Variants in NARS2 observed in about 807,000 individuals in gnomAD.
NARS2 encodes the protein asparaginyl-tRNA synthetase.
In NARS2, 60 loss-of-function variants were observed where a neutral mutation model predicts 62.9. The observed-to-expected ratio is 0.95, with a 90% CI of 0.77 to 1.18. The LOEUF (loss-of-function observed/expected upper bound fraction) is 1.18, where lower values mean the gene tolerates loss of function less well. Ranked by LOEUF, NARS2 falls within the 50% of genes most tolerant of loss-of-function variation. The pLI, the probability that NARS2 is intolerant of heterozygous loss-of-function variation, is 0.00. For missense variants in NARS2, 619 were observed against 576.4 expected (o/e 1.07, Z -0.76); for synonymous variants, 196 against 200.0 (o/e 0.98, Z 0.17).
At chr11:78,545,678 C>T (rs1414885671) in intron 5 of NARS2, among the ~76,000 whole-genome samples, 1 of 151,898 alleles carries the variant, frequency 6.6e-6, no homozygotes, top group African/African-American at 2.4e-5. Flanking sequence ...TTGTGCATGC[C>T]ACTGTGGCCA....
intron 6 of NARS2, among the ~76,000 whole-genome samples, chr11:78,504,309 T>G (rs1860399961): frequency 6.6e-6 from 1 of 152,190 alleles, no homozygotes; most frequent in Admixed American, 6.5e-5. Context: ...ATTCACATGC[T>G]AAATCCACCT....
At chr11:78,459,408 T>TTACA (rs748702965) in intron 11 of NARS2, among the ~76,000 whole-genome samples, 7 of 150,788 alleles carry the variant, frequency 4.6e-5, no homozygotes, top group Non-Finnish European at 8.8e-5. Flanking sequence ...GTAGCTGGGA[T>TTACA]TACAGGTGTG....
At chr11:78,561,028 T>C (rs1189593712) in intron 4 of NARS2, among the ~76,000 whole-genome samples, 2 of 152,126 alleles carry the variant, frequency 1.3e-5, no homozygotes, top group African/African-American at 2.4e-5. Context: ...CTAAACATGA[T>C]TGCCCAAGTT....
chr11:78,504,384 A>T (rs1860403123), intron 6 of NARS2, among the ~76,000 whole-genome samples: 1 of 150,338 alleles, frequency 6.7e-6, no homozygotes, highest in Non-Finnish European at 1.5e-5. Context: ...TCTATGTGAC[A>T]CATGTCTGTT....
chr11:78,508,678 C>T (rs547022338), intron 6 of NARS2, among the ~76,000 whole-genome samples: 1 of 151,232 alleles, frequency 6.6e-6, no homozygotes, highest in South Asian at 2.1e-4. Context: ...AATGTATAAA[C>T]ACCCAAGAAG....
At chr11:78,452,071 T>C (rs1199608762) in intron 11 of NARS2, among the ~76,000 whole-genome samples, 2 of 152,194 alleles carry the variant, frequency 1.3e-5, no homozygotes, top group African/African-American at 4.8e-5. Context: ...TACTTATTTA[T>C]GAGTTTCAAC....
At chr11:78,476,818 G>A (rs1196903697) in intron 9 of NARS2, among the ~76,000 whole-genome samples, 1 of 152,094 alleles carries the variant, frequency 6.6e-6, no homozygotes, top group Non-Finnish European at 1.5e-5. Context: ...TGTAAGAGTC[G>A]TAATGATAGT....
intron 6 of NARS2, among the ~76,000 whole-genome samples, chr11:78,527,978 C>T (rs1861350296): frequency 6.6e-6 from 1 of 152,144 alleles, no homozygotes; most frequent in East Asian, 1.9e-4. Flanking sequence ...AGTGTGCTGG[C>T]ACATGCCTTG....
At chr11:78,492,705 C>A (rs534591861) in intron 7 of NARS2, among the ~76,000 whole-genome samples, 3 of 152,144 alleles carry the variant, frequency 2.0e-5, no homozygotes, top group African/African-American at 7.2e-5. Flanking sequence ...AGTGAACCTG[C>A]TTGTGTTCCA....
intron 6 of NARS2, among the ~76,000 whole-genome samples, chr11:78,526,745 T>A (rs969673591): frequency 6.6e-6 from 1 of 152,160 alleles, no homozygotes; most frequent in African/African-American, 2.4e-5. Context: ...CTAGTGGTAT[T>A]ATAATAGAGA....
chr11:78,529,438 T>C (rs1235492839), intron 5 of NARS2, among the ~76,000 whole-genome samples: 1 of 152,202 alleles, frequency 6.6e-6, no homozygotes, highest in Non-Finnish European at 1.5e-5. Flanking sequence ...TTCATTTAAT[T>C]GTCACCATAA....
chr11:78,495,288 T>C (rs114695695), intron 6 of NARS2, among the ~76,000 whole-genome samples: 2,278 of 152,216 alleles, frequency 0.015, 60 homozygotes, highest in African/African-American at 0.052. Context: ...TCCTTTAGTT[T>C]TTGCATAGGC....
At chr11:78,444,440 G>A (rs1456645978) in intron 11 of NARS2, among the ~76,000 whole-genome samples, 1 of 152,114 alleles carries the variant, frequency 6.6e-6, no homozygotes, top group Non-Finnish European at 1.5e-5. Flanking sequence ...TGATGGCTGG[G>A]CACAGTAGCT....
At chr11:78,524,153 A>G (rs1030549977) in intron 6 of NARS2, among the ~76,000 whole-genome samples, 2 of 152,160 alleles carry the variant, frequency 1.3e-5, no homozygotes, top group Non-Finnish European at 2.9e-5. Context: ...AAGGCCCATT[A>G]GCCCCAGATG....
At chr11:78,489,561 T>C (rs1217683757) in intron 7 of NARS2, among the ~76,000 whole-genome samples, 3 of 152,172 alleles carry the variant, frequency 2.0e-5, no homozygotes, top group Admixed American at 6.5e-5. Context: ...AATTTTGTAA[T>C]TTATATAAGG....
At chr11:78,461,571 A>C (rs1858395717) in intron 11 of NARS2, among the ~76,000 whole-genome samples, 1 of 138,600 alleles carries the variant, frequency 7.2e-6, no homozygotes, top group Non-Finnish European at 1.6e-5. Flanking sequence ...AAGAAGTAGG[A>C]GTATAGAATG....
chr11:78,569,660 A>G (rs2135542906), intron 2 of NARS2, among the ~76,000 whole-genome samples: 1 of 152,304 alleles, frequency 6.6e-6, no homozygotes, highest in East Asian at 1.9e-4. Flanking sequence ...CCACTATTGC[A>G]TTATGGGTGG....
intron 6 of NARS2, among the ~76,000 whole-genome samples, chr11:78,493,662 T>C (rs1269706539): frequency 7.3e-6 from 1 of 136,568 alleles, no homozygotes; most frequent in Non-Finnish European, 1.6e-5. Context: ...TCTCAATAAA[T>C]GAACAAACAA....
intron 4 of NARS2, among the ~76,000 whole-genome samples, chr11:78,559,836 T>C (rs1180416204): frequency 2.0e-5 from 3 of 152,218 alleles, no homozygotes; most frequent in Non-Finnish European, 4.4e-5. Flanking sequence ...AGACATTAAC[T>C]AGTCCAACAT....
Sources: allele counts gnomAD v4.1 joint callset (sites outside exome capture counted in the v4.1 genomes callset), GRCh38; gene constraint gnomAD v4.1.1; transcripts MANE v1.5; gene names NCBI Gene and HGNC (gene_info 2026-07-23, HGNC 2026-07-21).